The following GUCY1A2 variants were observed in gnomAD, a reference collection of about 807,000 sequenced individuals.
The protein encoded by GUCY1A2 is guanylate cyclase 1 soluble subunit alpha 2, also known as guanylate cyclase soluble subunit alpha-2.
A neutral mutation model predicts 63.5 loss-of-function variants in GUCY1A2; 27 were observed. That is an observed-to-expected ratio of 0.43 (90% CI 0.31 to 0.59). The LOEUF (loss-of-function observed/expected upper bound fraction) is 0.59. Ranked by LOEUF, GUCY1A2 falls within the 20% of genes least tolerant of loss-of-function variation. The pLI is 0.11. For missense variants in GUCY1A2, 768 were observed against 913.3 expected, an observed-to-expected ratio of 0.84 and a Z score of 2.05; for synonymous variants, 364 against 343.5, an observed-to-expected ratio of 1.06 and a Z score of -0.66.
chr11:107,002,969 T>C (rs2120187067), intron 1 of GUCY1A2, among the ~76,000 whole-genome samples: 1 of 152,310 alleles, frequency 6.6e-6, no homozygotes, highest in Non-Finnish European at 1.5e-5. Context: ...AGAAGTGTCC[T>C]CATTCTTAGG....
At position 106,679,461 on chromosome 11, in the gene GUCY1A2, A is replaced by G. The variant is rs949562989; in HGVS notation, c.*8088T>C. The stretch of plus-strand genomic sequence containing the variant: ...TGTGAAGAAGAATATGGCGTAGAGT[A>G]CAGCCGCCAAAAGTTTAAAAATTTC... On this transcript the variant is annotated 3_prime_UTR_variant, in exon 8 of 8. Transcript: ENST00000526355. The G allele has an allele frequency of 1.0e-5, 2 of 196,276 alleles. No individual in the cohort carries two copies. Among genetic ancestry groups the G allele is most frequent in the East Asian group, 8.0e-5 (1 of 12,544 alleles). The allele number at this position is 196,276 out of a possible 1,614,324, so 12.2% of individuals were successfully genotyped here.
At position 106,741,648 on chromosome 11, in the gene GUCY1A2, G is replaced by A. The variant is rs77973050; in HGVS notation, c.1837-32982C>T. ...TACTATTGTTGTCAGAATTATCCTG[G>A]AGAAAGCAAACGTAATGCTTTTAAC... On this transcript the variant is annotated intron_variant, in intron 6 of 7. Transcript: ENST00000526355. 8.5e-3 allele frequency among the ~76,000 whole-genome samples: 1,301 copies of A among 152,268 alleles called. 22 individuals are homozygous for A. Among genetic ancestry groups the A allele is most frequent in the African/African-American group, 0.03 (1,259 of 41,534 alleles).
rs34601463 is a variant in GUCY1A2, at chr11:106,675,269, C to CTT, written c.*12278_*12279dup. 2.4e-4 allele frequency: 39 copies of CTT among 165,502 alleles called. No individual in the cohort carries two copies. Among genetic ancestry groups the CTT allele is most frequent in the African/African-American group, 6.3e-4 (24 of 38,198 alleles). The allele number at this position is 165,502 out of a possible 1,614,324, so 10.3% of individuals were successfully genotyped here. On this transcript the variant is annotated 3_prime_UTR_variant, in exon 8 of 8. Coordinates refer to ENST00000526355, the MANE Select transcript of GUCY1A2 (RefSeq NM_000855.3). ...TTCGAAGGCAAAATTCTCAGGAGGA[C>CTT]TTTTTTTTTTTTTTTTTAAATAAAG... is the stretch of plus-strand genomic sequence containing the variant.
intron 1 of GUCY1A2, among the ~76,000 whole-genome samples, chr11:106,986,928 T>G (rs1861409172): frequency 6.6e-6 from 1 of 152,198 alleles, no homozygotes; most frequent in Admixed American, 6.5e-5. Context: ...ACAGAGGTTC[T>G]TAATCCCAGA....
At chr11:106,796,320 T>C (rs1472173702) in intron 5 of GUCY1A2, among the ~76,000 whole-genome samples, 1 of 152,184 alleles carries the variant, frequency 6.6e-6, no homozygotes, top group African/African-American at 2.4e-5. Flanking sequence ...AAGGTTAATA[T>C]TGTTATGTGT....
At position 106,969,213 on chromosome 11, in the gene GUCY1A2, T is replaced by C. The variant is rs572037020; in HGVS notation, c.487+9406A>G. 3.3e-5 allele frequency among the ~76,000 whole-genome samples: 5 copies of C among 152,252 alleles called. No homozygotes were observed. The East Asian group carries it at 9.6e-4, about 29-fold the overall frequency. On this transcript the variant is annotated intron_variant, in intron 3 of 7. Coordinates refer to ENST00000526355, the MANE Select transcript of GUCY1A2 (RefSeq NM_000855.3). Reference sequence around the variant, plus strand: ...TCAGATTAATTTAAATAAATTACAATAGAAATGCTGTCAAAAGTACTTAAA... The same window carrying C: ...TCAGATTAATTTAAATAAATTACAACAGAAATGCTGTCAAAAGTACTTAAA...
chr11:106,954,689 TGTATTGG>T (rs1305092381), intron 3 of GUCY1A2, among the ~76,000 whole-genome samples: 2 of 152,218 alleles, frequency 1.3e-5, no homozygotes, highest in Non-Finnish European at 2.9e-5. Flanking sequence ...TGGGTGTTTC[TGTATTGG>T]GTACATATAT....
chr11:106,876,802 C>T (rs866953348), intron 4 of GUCY1A2, among the ~76,000 whole-genome samples: 2 of 151,970 alleles, frequency 1.3e-5, no homozygotes, highest in Non-Finnish European at 2.9e-5. Flanking sequence ...TTTCAACTTC[C>T]GTAACTTTGC....
intron 6 of GUCY1A2, among the ~76,000 whole-genome samples, chr11:106,728,562 A>G (rs1863446984): frequency 6.6e-6 from 1 of 152,192 alleles, no homozygotes; most frequent in Non-Finnish European, 1.5e-5. Flanking sequence ...GCAGATGGTG[A>G]ACACTAATCT....
chr11:106,905,661 A>G (rs1243880115), intron 4 of GUCY1A2, among the ~76,000 whole-genome samples: 2 of 152,094 alleles, frequency 1.3e-5, no homozygotes, highest in Admixed American at 6.6e-5. Flanking sequence ...GGATGGAATC[A>G]CTCATGGCCG....
At chr11:106,732,901 CA>C (rs1478226707) in intron 6 of GUCY1A2, among the ~76,000 whole-genome samples, 22 of 152,212 alleles carry the variant, frequency 1.4e-4, no homozygotes, top group African/African-American at 4.1e-4. Context: ...TTCATAAAAA[CA>C]ATAGCCTTAC....
chr11:106,776,878 CTAGA>C (rs1222262821), intron 5 of GUCY1A2, among the ~76,000 whole-genome samples: 11 of 152,090 alleles, frequency 7.2e-5, no homozygotes, highest in Non-Finnish European at 1.6e-4. Context: ...AGTATTTTGC[CTAGA>C]TAATTTCCAA....
intron 4 of GUCY1A2, among the ~76,000 whole-genome samples, chr11:106,875,953 T>C (rs7941584): frequency 0.037 from 5,607 of 152,036 alleles, 165 homozygotes; most frequent in African/African-American, 0.085. Context: ...AAAAACCACA[T>C]TGCAGTTGAT....
intron 6 of GUCY1A2, among the ~76,000 whole-genome samples, chr11:106,727,825 C>T (rs767018842): frequency 9.2e-5 from 14 of 152,096 alleles, no homozygotes; most frequent in Non-Finnish European, 1.9e-4. Flanking sequence ...CTCCTCTTAC[C>T]TGGCCAATCA....
At chr11:106,893,347 A>G (rs1181965746) in intron 4 of GUCY1A2, among the ~76,000 whole-genome samples, 1 of 152,226 alleles carries the variant, frequency 6.6e-6, no homozygotes, top group Admixed American at 6.5e-5. Context: ...CAAAATGTAC[A>G]AAATTTCATG....
chr11:106,894,168 G>A (rs1328063127), intron 4 of GUCY1A2, among the ~76,000 whole-genome samples: 1 of 152,082 alleles, frequency 6.6e-6, no homozygotes, highest in Non-Finnish European at 1.5e-5. Flanking sequence ...TACCCAACAG[G>A]TCAAGAAACA....
At chr11:106,825,501 A>ATTTGTGTTGGGCTGCATTC (rs1858957259) in intron 4 of GUCY1A2, among the ~76,000 whole-genome samples, 1 of 150,584 alleles carries the variant, frequency 6.6e-6, no homozygotes, top group African/African-American at 2.4e-5. Context: ...AAGTTTACAA[A>ATTTGTGTTGGGCTGCATTC]AAATGTAAAA....
At chr11:106,823,863 CTTCTT>C (rs1858933462) in intron 4 of GUCY1A2, among the ~76,000 whole-genome samples, 1 of 152,066 alleles carries the variant, frequency 6.6e-6, no homozygotes, top group South Asian at 2.1e-4. Context: ...GCTTCTATTT[CTTCTT>C]TTGAGAAATG....
chr11:106,678,702 C>T lies in GUCY1A2; in HGVS notation c.*8847G>A, dbSNP rs962321375. ...ATTGGTTTTGACTTAGATTTTATTC[C>T]GAGAAGTTTACAATGCGTTGTTCTA... is the stretch of plus-strand genomic sequence containing the variant. On this transcript the variant is annotated 3_prime_UTR_variant, in exon 8 of 8. Transcript: ENST00000526355. 8.3e-5 allele frequency: 17 copies of T among 204,640 alleles called. No individual in the cohort carries two copies. The highest frequency in any genetic ancestry group is 1.6e-4 in the African/African-American group (7 of 43,648). 12.7% of individuals were successfully genotyped at this position (204,640 alleles called of 1,614,324 possible). A position where few individuals can be genotyped will look rare whatever the true frequency, so the allele number is the denominator to read the frequency against.
Sources: allele counts gnomAD v4.1 joint callset (sites outside exome capture counted in the v4.1 genomes callset), GRCh38; gene constraint gnomAD v4.1.1; transcripts MANE v1.5; gene names NCBI Gene and HGNC (gene_info 2026-07-23, HGNC 2026-07-21).